Variants in BCAS3 observed in about 807,000 individuals in gnomAD.
BCAS3 encodes the protein BCAS4/BCAS3 fusion.
In BCAS3, 53 loss-of-function variants were observed where a neutral mutation model predicts 116.1. That is an observed-to-expected ratio of 0.46 (90% CI 0.37 to 0.57). The LOEUF (loss-of-function observed/expected upper bound fraction) is 0.57, where lower values mean the gene tolerates loss of function less well. Among genes scored for constraint, BCAS3 ranks in the 20% least tolerant of loss-of-function variants. BCAS3 has a pLI of 0.00. For synonymous variants in BCAS3, 391 were observed against 408.2 expected, an observed-to-expected ratio of 0.96 and a Z score of 0.51; for missense variants, 917 against 1,165.4, an observed-to-expected ratio of 0.79 and a Z score of 3.10.
Position 61,388,145 on chromosome 17 carries a change from C to G in BCAS3, c.2594-3832C>G. ...CCACCTCAACCGCAGGACAGCTGCT[C>G]AGACCTGGAGGTCTTGGGAGTGGGG... On this transcript the variant is annotated intron_variant, in intron 23 of 23. Coordinates refer to ENST00000407086, the MANE Select transcript of BCAS3 (RefSeq NM_017679.5). This position sits in a 1 kb window ranked among gnomAD's most constrained non-coding sequence, Gnocchi z 6.5. The G allele has an allele frequency of 6.4e-6, 1 of 155,614 alleles. No homozygotes were observed. The highest frequency in any genetic ancestry group is 1.4e-5 in the Non-Finnish European group (1 of 70,220). 9.6% of individuals were successfully genotyped at this position (155,614 alleles called of 1,614,324 possible). A position where few individuals can be genotyped will look rare whatever the true frequency, so the allele number is the denominator to read the frequency against.
chr17:61,335,058 A>C (rs914071934), intron 22 of BCAS3, among the ~76,000 whole-genome samples: 1 of 152,194 alleles, frequency 6.6e-6, no homozygotes, highest in Non-Finnish European at 1.5e-5. Context: ...AACAGACCGG[A>C]GTTCTTCCTC....
In BCAS3 at chr17:60,961,671, A is replaced by G. The variant is rs2061418364; in HGVS notation, c.1221+14319A>G. 6.6e-6 allele frequency among the ~76,000 whole-genome samples: 1 copy of G among 152,090 alleles called. No individual in the cohort carries two copies. The highest frequency in any genetic ancestry group is 1.5e-5 in the Non-Finnish European group (1 of 68,010). ...ATTTTTAAGTGTACAGTTCAGTGGTAATAAATACATTTCTATTCCTTTTCT... is the reference window on the plus strand; with the variant it reads ...ATTTTTAAGTGTACAGTTCAGTGGTGATAAATACATTTCTATTCCTTTTCT... On this transcript the variant is annotated intron_variant, in intron 14 of 23. Transcript: ENST00000407086. This position sits in a 1 kb window ranked among gnomAD's most constrained non-coding sequence, Gnocchi z 4.8.
chr17:60,877,354 C>T (rs2055712683), intron 9 of BCAS3, among the ~76,000 whole-genome samples: 1 of 152,124 alleles, frequency 6.6e-6, no homozygotes, highest in Non-Finnish European at 1.5e-5. Flanking sequence ...CAGTATCTCT[C>T]CTGTCTATCT....
intron 17 of BCAS3, among the ~76,000 whole-genome samples, chr17:61,036,976 A>G (rs2067086887): frequency 6.6e-6 from 1 of 152,146 alleles, no homozygotes; most frequent in African/African-American, 2.4e-5. Flanking sequence ...ATTTTTCCAT[A>G]TATACCTTCT....
intron 10 of BCAS3, among the ~76,000 whole-genome samples, chr17:60,901,479 T>A (rs1463831236): frequency 6.6e-6 from 1 of 152,216 alleles, no homozygotes; most frequent in Non-Finnish European, 1.5e-5. Context: ...TGAAACCACA[T>A]TTGATGATCA....
chr17:60,711,884 G>A (rs866877685), intron 5 of BCAS3, among the ~76,000 whole-genome samples: 1 of 151,602 alleles, frequency 6.6e-6, no homozygotes, highest in African/African-American at 2.4e-5. Flanking sequence ...GAGACCAGCC[G>A]GGTGCGGTGG....
In BCAS3 at chr17:61,046,081, TTTA is replaced by T. The variant is rs1475381069; in HGVS notation, c.2029+5191_2029+5193del. Among the ~76,000 whole-genome samples the T allele has an allele frequency of 3.7e-4, 13 of 34,950 alleles. 2 individuals are homozygous for T. The highest frequency in any genetic ancestry group is 3.1e-3 in the African/African-American group (11 of 3,520). 22.9% of individuals were successfully genotyped at this position (34,950 alleles called of 152,430 possible). ...ATTATATATATATAATATATATATATTTATATATATATATAATATATATATATA... is the reference window on the plus strand; with the variant it reads ...ATTATATATATATAATATATATATATTATATATATATAATATATATATATA... On this transcript the variant is annotated intron_variant, in intron 19 of 23. Coordinates refer to ENST00000407086, the MANE Select transcript of BCAS3 (RefSeq NM_017679.5).
intron 5 of BCAS3, among the ~76,000 whole-genome samples, chr17:60,721,868 C>T (rs114530957): frequency 0.011 from 1,645 of 152,236 alleles, 37 homozygotes; most frequent in African/African-American, 0.037. Flanking sequence ...CCTCTTTCCA[C>T]CTCCAAGTAA....
chr17:61,296,742 G>T (rs2052950200), intron 22 of BCAS3, among the ~76,000 whole-genome samples: 1 of 152,194 alleles, frequency 6.6e-6, no homozygotes, highest in Admixed American at 6.5e-5. Context: ...CTTGAAGAAT[G>T]AGTTGCAATT....
rs2064913414 is a variant in BCAS3, at chr17:61,008,905, C to T, written c.1487-6846C>T. On this transcript the variant is annotated intron_variant, in intron 15 of 23. Transcript: ENST00000407086. The surrounding 1 kb of genome is among the most constrained non-coding windows in gnomAD (Gnocchi z 4.6). The stretch of plus-strand genomic sequence containing the variant: ...GAGTGCCAGAGAGTCACATTGACCT[C>T]GGGCTTCAGTGTGGCTCAGTAATCC... Among the ~76,000 whole-genome samples, 1 of 151,858 alleles carries T rather than the reference C, an allele frequency of 6.6e-6. No homozygotes were observed. Among genetic ancestry groups the T allele is most frequent in the South Asian group, 2.1e-4 (1 of 4,822 alleles).
At chr17:61,038,177 T>G (rs188692817) in intron 18 of BCAS3, 123 bp downstream of exon 18, 9 of 813,778 alleles carry the variant, frequency 1.1e-5, no homozygotes, top group Non-Finnish European at 1.5e-5. Flanking sequence ...ATTAACATGG[T>G]AAACAAATAC....
chr17:60,952,535 G>A (rs2060901645), intron 14 of BCAS3, among the ~76,000 whole-genome samples: 1 of 151,998 alleles, frequency 6.6e-6, no homozygotes, highest in African/African-American at 2.4e-5. Context: ...GGTCAGGCTG[G>A]CCTCAAACTC....
At chr17:60,843,737 C>T (rs572728634) in intron 7 of BCAS3, among the ~76,000 whole-genome samples, 1 of 152,284 alleles carries the variant, frequency 6.6e-6, no homozygotes, top group South Asian at 2.1e-4. Flanking sequence ...CTTAACATGG[C>T]TGTATGGACA....
At chr17:60,996,242 AGTCTGT>A (rs1156748334) in intron 15 of BCAS3, among the ~76,000 whole-genome samples, 1 of 152,188 alleles carries the variant, frequency 6.6e-6, no homozygotes, top group African/African-American at 2.4e-5. Context: ...TTGAGAACAC[AGTCTGT>A]ACGTGGACAT....
At chr17:61,043,563 G>A (rs940810784) in intron 19 of BCAS3, among the ~76,000 whole-genome samples, 33 of 152,036 alleles carry the variant, frequency 2.2e-4, no homozygotes, top group African/African-American at 7.5e-4. Flanking sequence ...TGTCTGTGTG[G>A]GTTTTCAGTG....
At chr17:60,911,123 C>CTTTTTTTTTTTTTTTTTTTTTTTTTTTTT (rs1162942971) in intron 12 of BCAS3, among the ~76,000 whole-genome samples, 1 of 88,256 alleles carries the variant, frequency 1.1e-5, no homozygotes, top group Non-Finnish European at 2.0e-5. Flanking sequence ...TTTTTTCTTT[C>CTTTTTTTTTTTTTTTTTTTTTTTTTTTTT]TTTTTTTTTT....
chr17:60,803,717 A>G (rs1325627247), intron 6 of BCAS3, among the ~76,000 whole-genome samples: 5 of 152,056 alleles, frequency 3.3e-5, no homozygotes, highest in African/African-American at 1.2e-4. Context: ...TTGAAAATGA[A>G]AAAGCACAAA....
Position 61,003,255 on chromosome 17 carries a change from AT to A in BCAS3, c.1487-12495del, listed in dbSNP as rs2064388826. Among the ~76,000 whole-genome samples the A allele has an allele frequency of 3.3e-5, 5 of 151,380 alleles. No homozygotes were observed. The South Asian group carries it at 8.4e-4, about 25-fold the overall frequency. On this transcript the variant is annotated intron_variant, in intron 15 of 23. Coordinates refer to ENST00000407086, the MANE Select transcript of BCAS3 (RefSeq NM_017679.5). ...TTTTTATTTCTGCAATCTTTTTAATATGATTTTCTTTGAATTTTTTTTATTA... is the reference window on the plus strand; with the variant it reads ...TTTTTATTTCTGCAATCTTTTTAATAGATTTTCTTTGAATTTTTTTTATTA...
chr17:60,706,803 CTTT>C (rs546689684), intron 4 of BCAS3, among the ~76,000 whole-genome samples: 17 of 122,200 alleles, frequency 1.4e-4, no homozygotes, highest in Admixed American at 2.5e-4. Flanking sequence ...TTACACTATA[CTTT>C]TTTTTTTTTT....
Sources: gnomAD v4.1 joint callset for allele counts (sites outside exome capture counted in the v4.1 genomes callset) on GRCh38, gnomAD v4.1.1 for gene constraint, Gnocchi (gnomAD v3.1) non-coding constraint, MANE v1.5 for transcripts, NCBI Gene and HGNC (gene_info 2026-07-23, HGNC 2026-07-21) for gene names.